The following INSIG1 variants were observed in gnomAD, a reference collection of about 807,000 sequenced individuals.
INSIG1 encodes the protein insulin induced gene 1.
Under a neutral mutation model 26.5 loss-of-function variants are expected in INSIG1, and 14 were observed. The ratio of observed to expected loss-of-function variants is 0.53; its 90% CI spans 0.35 to 0.83. INSIG1 has a LOEUF of 0.83. Ranked by LOEUF, INSIG1 falls within the 40% of genes least tolerant of loss-of-function variation. The pLI is 0.01. For synonymous variants in INSIG1, 147 were observed against 153.3 expected, an observed-to-expected ratio of 0.96 and a Z score of 0.30; for missense variants, 272 against 368.9, an observed-to-expected ratio of 0.74 and a Z score of 2.15.
chr7:155,301,590 G>A lies in INSIG1; in HGVS notation c.437G>A (p.Cys146Tyr), dbSNP rs763128502. Residue 146 changes from cysteine (C) to tyrosine (Y), a missense_variant, in exon 3 of 6, where the codon TGT becomes TAT. Cys to Tyr is a radical substitution (Grantham distance 194, BLOSUM62 -2). Transcript: ENST00000340368. ...AAAVVGLLYP[C>Y]IDSHLGEPHK... ...GCTGTTGTTGGCCTACTGTACCCCT[G>A]TATCGACAGTCACCTCGGAGAACCC... is the stretch of plus-strand genomic sequence containing the variant. 1.2e-6 allele frequency: 2 copies of A among 1,609,918 alleles called. No homozygotes were observed. Among genetic ancestry groups the A allele is most frequent in the East Asian group, 2.2e-5 (1 of 44,876 alleles).
Position 155,297,903 on chromosome 7 carries a change from C to G in INSIG1, c.-84C>G, listed in dbSNP as rs1241282903. 6.2e-6 allele frequency: 1 copy of G among 162,560 alleles called. No individual in the cohort carries two copies. The highest frequency in any genetic ancestry group is 1.7e-4 in the East Asian group (1 of 5,942). 10.1% of individuals were successfully genotyped at this position (162,560 alleles called of 1,614,324 possible). A position where few individuals can be genotyped will look rare whatever the true frequency, so the allele number is the denominator to read the frequency against. On this transcript the variant is annotated 5_prime_UTR_variant, in exon 1 of 6. Transcript: ENST00000340368. ...GCGGCCGTCCCGGGCCGTGACTCCT[C>G]CTTTCCCCCGCCCCGCCTCCGTTCG...
chr7:155,298,153 T>G, intron 1 of INSIG1, 106 bp from the exon 2 acceptor site: 2 of 993,586 alleles, frequency 2.0e-6, no homozygotes, highest in Non-Finnish European at 2.7e-6. Flanking sequence ...GGTCTAACCT[T>G]GGGGGGCGGC....
Position 155,302,995 on chromosome 7 carries a change from G to A in INSIG1, c.804+149G>A. On this transcript the variant is annotated intron_variant, in intron 5 of 5. Transcript: ENST00000340368. The surrounding 1 kb of genome is among the most constrained non-coding windows in gnomAD (Gnocchi z 4.3). ...AGAAAAGCTTATATTTAAAAAAATA[G>A]GTAATGATACCCAGGTAATTCTTTG... 1 of 522,408 alleles carries A rather than the reference G, an allele frequency of 1.9e-6. No individual in the cohort carries two copies. The highest frequency in any genetic ancestry group is 2.9e-5 in the East Asian group (1 of 34,174). 32.4% of individuals were successfully genotyped at this position (522,408 alleles called of 1,614,324 possible).
At chr7:155,305,598 A>C (rs1797916065) in intron 5 of INSIG1, among the ~76,000 whole-genome samples, 1 of 152,244 alleles carries the variant, frequency 6.6e-6, no homozygotes, top group Non-Finnish European at 1.5e-5. Flanking sequence ...AAGGGAGATG[A>C]CGAGAGTGAA....
At position 155,301,546 on chromosome 7, in the gene INSIG1, T is replaced by G. The variant is rs773127037; in HGVS notation, c.413-20T>G. Reference sequence around the variant, plus strand: ...ACTTGAATCTGCTGTATTCTAACATTGTCAACTTTTTTAAAACAGCTGTTG... The same window carrying G: ...ACTTGAATCTGCTGTATTCTAACATGGTCAACTTTTTTAAAACAGCTGTTG... On this transcript the variant is annotated intron_variant, in intron 2 of 5. Transcript: ENST00000340368. 4 of 1,599,478 alleles carry G rather than the reference T, an allele frequency of 2.5e-6. No individual in the cohort carries two copies. Among genetic ancestry groups the G allele is most frequent in the Non-Finnish European group, 3.4e-6 (4 of 1,170,410 alleles).
Position 155,302,333 on chromosome 7 carries a change from C to A in INSIG1, c.620C>A (p.Ser207Tyr). The A allele has an allele frequency of 6.2e-7, 1 of 1,611,418 alleles. No individual in the cohort carries two copies. The highest frequency in any genetic ancestry group is 8.5e-7 in the Non-Finnish European group (1 of 1,178,878). ...GGCCTTTGGTGGACATTTGATCGTT[C>A]CAGAAGTGGCCTTGGGCTGGGGATC... ...SLGLWWTFDR[S>Y]RSGLGLGITI... The change falls in exon 4 of 6, where the codon TCC becomes TAC. Residue 207 changes from serine (S) to tyrosine (Y), a missense_variant. This residue lies in a region of INSIG1 where 111 missense variants were observed against 189.8 expected (regional missense o/e 0.58). Coordinates refer to ENST00000340368, the MANE Select transcript of INSIG1 (RefSeq NM_005542.6). This position sits in a 1 kb window ranked among gnomAD's most constrained non-coding sequence, Gnocchi z 4.3.
chr7:155,303,082 C>A (rs1307184736), intron 5 of INSIG1: 2 of 380,970 alleles, frequency 5.2e-6, no homozygotes, highest in East Asian at 9.4e-5. Context: ...CGCACTGCCC[C>A]TTTGAATTGC....
chr7:155,303,586 T>C (rs754364743), intron 5 of INSIG1, among the ~76,000 whole-genome samples: 14 of 152,236 alleles, frequency 9.2e-5, no homozygotes, highest in Non-Finnish European at 2.1e-4. Flanking sequence ...GGAAAGGTAG[T>C]GAACTCCAGG....
chr7:155,302,977 C>A lies in INSIG1; in HGVS notation c.804+131C>A. ...CTTGAGTGACAACTACTGAGAAAAG[C>A]TTATATTTAAAAAAATAGGTAATGA... On this transcript the variant is annotated intron_variant, in intron 5 of 5. Transcript: ENST00000340368. The surrounding 1 kb of genome is among the most constrained non-coding windows in gnomAD (Gnocchi z 4.3). 3.6e-6 allele frequency: 2 copies of A among 558,876 alleles called. No individual in the cohort carries two copies. The highest frequency in any genetic ancestry group is 2.7e-5 in the South Asian group (1 of 37,246). The allele number at this position is 558,876 out of a possible 1,614,324, so 34.6% of individuals were successfully genotyped here. A position where few individuals can be genotyped will look rare whatever the true frequency, so the allele number is the denominator to read the frequency against.
In INSIG1 at chr7:155,302,591, A is replaced by G. The variant is rs539217399; in HGVS notation, c.705-156A>G. 18 of 927,086 alleles carry G rather than the reference A, an allele frequency of 1.9e-5. No homozygotes were observed. The African/African-American group carries it at 3.0e-4, about 15-fold the overall frequency. 57.4% of individuals were successfully genotyped at this position (927,086 alleles called of 1,614,324 possible). On this transcript the variant is annotated intron_variant, in intron 4 of 5. Transcript: ENST00000340368. This position sits in a 1 kb window ranked among gnomAD's most constrained non-coding sequence, Gnocchi z 4.3. The stretch of plus-strand genomic sequence containing the variant: ...CATAACTTAATGTAACGCAAAGGAA[A>G]ACCAAGTAGTAGCAGTTACAACCAA...
intron 2 of INSIG1, among the ~76,000 whole-genome samples, chr7:155,300,718 C>T (rs1267177455): frequency 6.6e-6 from 1 of 152,220 alleles, no homozygotes; most frequent in Non-Finnish European, 1.5e-5. Flanking sequence ...TAAAGAATAA[C>T]TATTCCAGAC....
chr7:155,303,951 A>C, intron 5 of INSIG1: 2 of 724,934 alleles, frequency 2.8e-6, no homozygotes, highest in Non-Finnish European at 4.3e-6. Flanking sequence ...ATTTCTCATG[A>C]TGGAGAAGAA....
chr7:155,306,920 C>T (rs950173997), intron 5 of INSIG1, among the ~76,000 whole-genome samples: 10 of 152,208 alleles, frequency 6.6e-5, no homozygotes, highest in Admixed American at 1.3e-4. Flanking sequence ...CCCTGTGCCA[C>T]GTGTCAGGTC....
chr7:155,301,794 C>T, intron 3 of INSIG1, 104 bp downstream of exon 3: 2 of 1,125,788 alleles, frequency 1.8e-6, no homozygotes, highest in Non-Finnish European at 2.4e-6. Context: ...ATAATACAGA[C>T]ATGATGGTGG....
At chr7:155,300,697 G>T (rs1797759724) in intron 2 of INSIG1, among the ~76,000 whole-genome samples, 1 of 152,098 alleles carries the variant, frequency 6.6e-6, no homozygotes, top group Non-Finnish European at 1.5e-5. Context: ...CAAATTCCAA[G>T]TTCGTGTCTA....
At position 155,297,979 on chromosome 7, in the gene INSIG1, A is replaced by T. The variant is rs534268757; in HGVS notation, c.-28+20A>T. 0.017 allele frequency: 4,152 copies of T among 242,422 alleles called. 55 individuals carry two copies. Among genetic ancestry groups the T allele is most frequent in the Middle Eastern group, 0.024 (21 of 858 alleles). 15.0% of individuals were successfully genotyped at this position (242,422 alleles called of 1,614,324 possible). A position where few individuals can be genotyped will look rare whatever the true frequency, so the allele number is the denominator to read the frequency against. On this transcript the variant is annotated intron_variant, in intron 1 of 5. Transcript: ENST00000340368. ...GGCCAGGTACGCGGCCGGCTGGGAT[A>T]GGGGTCGCGGGCGGGCTTTGGTCGC...
chr7:155,298,339 G>A lies in INSIG1; in HGVS notation c.54G>A (p.Arg18=). Residue 18 remains arginine (R), a synonymous_variant, in exon 2 of 6, where the codon AGG becomes AGA. Transcript: ENST00000340368. ...GCTGCTCCTGTGCGCACAGCGCGAG[G>A]CGCCGAGGCCCCCCGCGAGCCAGCG... ...FWSCSCAHSA[R]RRGPPRASAA... The A allele has an allele frequency of 1.3e-6, 2 of 1,509,722 alleles. No homozygotes were observed. The highest frequency in any genetic ancestry group is 2.7e-5 in the South Asian group (2 of 73,612). 93.5% of individuals were successfully genotyped at this position (1,509,722 alleles called of 1,614,324 possible).
chr7:155,302,507 TTG>T lies in INSIG1; in HGVS notation c.704+92_704+93del, dbSNP rs1797817633. 1.6e-6 allele frequency: 2 copies of T among 1,262,702 alleles called. No individual in the cohort carries two copies. Among genetic ancestry groups the T allele is most frequent in the Non-Finnish European group, 2.1e-6 (2 of 933,878 alleles). The allele number at this position is 1,262,702 out of a possible 1,614,324, so 78.2% of individuals were successfully genotyped here. A position where few individuals can be genotyped will look rare whatever the true frequency, so the allele number is the denominator to read the frequency against. On this transcript the variant is annotated intron_variant, in intron 4 of 5. Transcript: ENST00000340368. The surrounding 1 kb of genome is among the most constrained non-coding windows in gnomAD (Gnocchi z 4.3). The stretch of plus-strand genomic sequence containing the variant: ...AAGCTTAGATATTTTCATATTTTAT[TTG>T]TTTTTTATATAGAATGATACAGATT...
At chr7:155,303,713 A>T in intron 5 of INSIG1, 1 of 377,924 alleles carries the variant, frequency 2.6e-6, no homozygotes, top group Non-Finnish European at 4.7e-6. Context: ...GAAAGAAAGT[A>T]AATTAAAAAA....
Sources: gnomAD v4.1 joint callset for allele counts (sites outside exome capture counted in the v4.1 genomes callset) on GRCh38, gnomAD v4.1.1 for gene constraint, gnomAD v4.1.1 regional missense constraint, Gnocchi (gnomAD v3.1) non-coding constraint, MANE v1.5 for transcripts, NCBI Gene and HGNC (gene_info 2026-07-23, HGNC 2026-07-21) for gene names.